TXK: variants seen among roughly 807,000 people sequenced by gnomAD.
TXK encodes tyrosine-protein kinase TXK.
A neutral mutation model predicts 81.0 loss-of-function variants in TXK; 60 were observed. That is an observed-to-expected ratio of 0.74 (90% confidence interval 0.60 to 0.92). TXK has a LOEUF of 0.92. TXK is among the 40% of genes least tolerant of loss of function. The pLI, the probability that TXK is intolerant of heterozygous loss-of-function variation, is 0.00. For synonymous variants in TXK, 203 were observed against 210.7 expected (o/e 0.96, Z 0.32); for missense variants, 581 against 638.3 (o/e 0.91, Z 0.97).
intron 1 of TXK, among the ~76,000 whole-genome samples, chr4:48,133,643 T>C (rs907380544): frequency 6.6e-6 from 1 of 152,262 alleles, no homozygotes; most frequent in African/African-American, 2.4e-5. Context: ...TAAGTCTATA[T>C]GTTTACTTGA....
At chr4:48,096,650 T>C (rs1717992201) in intron 6 of TXK, among the ~76,000 whole-genome samples, 1 of 152,116 alleles carries the variant, frequency 6.6e-6, no homozygotes, top group Admixed American at 6.5e-5. Context: ...TGCCTCAGCC[T>C]CCCCAGTAGC....
intron 10 of TXK, among the ~76,000 whole-genome samples, chr4:48,085,720 A>T (rs978045702): frequency 6.6e-6 from 1 of 152,182 alleles, no homozygotes; most frequent in African/African-American, 2.4e-5. Flanking sequence ...AGGAGTGTCT[A>T]AACATTGAGA....
At chr4:48,124,661 C>T (rs1424182862) in intron 1 of TXK, among the ~76,000 whole-genome samples, 2 of 152,008 alleles carry the variant, frequency 1.3e-5, no homozygotes, top group Non-Finnish European at 2.9e-5. Flanking sequence ...CTGAGTGGAA[C>T]GGCAAAGGTG....
chr4:48,108,117 T>C (rs917829573), intron 5 of TXK, among the ~76,000 whole-genome samples: 3 of 152,058 alleles, frequency 2.0e-5, no homozygotes, highest in Non-Finnish European at 2.9e-5. Context: ...ATTTGTGGAC[T>C]TAGGGTTGTT....
Position 48,094,127 on chromosome 4 carries a change from G to T in TXK, c.659C>A (p.Ala220Asp), listed in dbSNP as rs560501824. The T allele has an allele frequency of 1.9e-6, 3 of 1,613,612 alleles. No homozygotes were observed. The highest frequency in any genetic ancestry group is 2.5e-6 in the Non-Finnish European group (3 of 1,179,976). The change falls in exon 8 of 15, where the codon GCC (alanine) becomes GAC (aspartate). Residue 220 changes from alanine to aspartate, a missense_variant. Physicochemically the swap from Ala to Asp is moderately radical, Grantham distance 126 (BLOSUM62 -2). Coordinates refer to ENST00000264316, the MANE Select transcript of TXK (RefSeq NM_003328.3). ...GATTAACTCAGGGATTGATTGAAAGGCGTGTCTTTCAGCCACATACCACTG... is the reference window on the plus strand; with the variant it reads ...GATTAACTCAGGGATTGATTGAAAGTCGTGTCTTTCAGCCACATACCACTG... The part of the protein sequence containing the change: ...SGQWYVAERH[A>D]FQSIPELIWY...
chr4:48,130,376 C>T (rs55683170), intron 1 of TXK, among the ~76,000 whole-genome samples: 5 of 152,034 alleles, frequency 3.3e-5, no homozygotes, highest in African/African-American at 9.7e-5. Context: ...CTGGGCCCAA[C>T]CAGAGCTGGA....
chr4:48,080,944 A>G (rs1448851729), intron 10 of TXK, among the ~76,000 whole-genome samples: 1 of 152,098 alleles, frequency 6.6e-6, no homozygotes, highest in Non-Finnish European at 1.5e-5. Flanking sequence ...TTCATTCATA[A>G]AGGTAAAATA....
At chr4:48,113,653 A>G (rs1718712165) in intron 2 of TXK, among the ~76,000 whole-genome samples, 1 of 152,206 alleles carries the variant, frequency 6.6e-6, no homozygotes, top group Admixed American at 6.5e-5. Flanking sequence ...GTCATTTTAT[A>G]TGCATTACCT....
chr4:48,085,086 A>G (rs1717468494), intron 10 of TXK, among the ~76,000 whole-genome samples: 1 of 152,222 alleles, frequency 6.6e-6, no homozygotes, highest in South Asian at 2.1e-4. Context: ...TGTTGAACAA[A>G]TATTTAAAGA....
chr4:48,097,020 A>G (rs1405856258), intron 6 of TXK, among the ~76,000 whole-genome samples: 2 of 152,184 alleles, frequency 1.3e-5, no homozygotes, highest in Admixed American at 6.5e-5. Context: ...CAACTCAAGA[A>G]ATTAGGATTA....
chr4:48,069,238 G>T (rs191675776), intron 14 of TXK, among the ~76,000 whole-genome samples: 60 of 152,232 alleles, frequency 3.9e-4, no homozygotes, highest in African/African-American at 1.3e-3. Context: ...GGAGGTCAAG[G>T]CTGCAGTGAG....
chr4:48,134,194 C>T lies in TXK; in HGVS notation c.-24G>A, dbSNP rs367809556. On this transcript the variant is annotated 5_prime_UTR_variant, in exon 1 of 15. The change creates a new upstream start codon in the 5' untranslated region. Coordinates refer to ENST00000264316, the MANE Select transcript of TXK (RefSeq NM_003328.3). ...ATGGTAGCCCCTTCTGCGGGGAGCACACAACAGTCTTCAGTTCTTCTGCGG... is the reference window on the plus strand; with the variant it reads ...ATGGTAGCCCCTTCTGCGGGGAGCATACAACAGTCTTCAGTTCTTCTGCGG... 9.9e-6 allele frequency: 16 copies of T among 1,612,962 alleles called. No individual in the cohort carries two copies. The highest frequency in any genetic ancestry group is 1.4e-5 in the Non-Finnish European group (16 of 1,179,566).
chr4:48,129,849 A>G (rs1719202088), intron 1 of TXK, among the ~76,000 whole-genome samples: 1 of 152,178 alleles, frequency 6.6e-6, no homozygotes, highest in Admixed American at 6.5e-5. Context: ...AAAGTTCATA[A>G]TAAGCTCGCA....
chr4:48,121,145 A>C (rs1560362150), intron 1 of TXK, among the ~76,000 whole-genome samples: 1 of 152,134 alleles, frequency 6.6e-6, no homozygotes, highest in African/African-American at 2.4e-5. Context: ...CAGCTTAAAA[A>C]CTATCTATCA....
At chr4:48,068,329 C>T (rs150589338) in intron 14 of TXK, among the ~76,000 whole-genome samples, 50 of 152,248 alleles carry the variant, frequency 3.3e-4, no homozygotes, top group Non-Finnish European at 6.3e-4. Flanking sequence ...GCATACCAGG[C>T]TCCCAAGCTC....
chr4:48,104,835 G>A (rs1718399281), intron 6 of TXK, 66 bp downstream of exon 6: 1 of 1,217,432 alleles, frequency 8.2e-7, no homozygotes. Context: ...TACTTTTTTA[G>A]TTGGTTAAAG....
Position 48,113,270 on chromosome 4 carries a change from C to T in TXK, c.111G>A (p.Glu37=). The change falls in exon 3 of 15, where the codon GAG becomes GAA. Residue 37 remains glutamate (E), a synonymous_variant. Transcript: ENST00000264316. ...GACGCTGGGTGTATTTTTCTGGAAG[C>T]TCTTCATCTGTGCTCAGGCTTATCT... ...RTQISLSTDE[E]LPEKYTQRRR... 1 of 1,613,516 alleles carries T rather than the reference C, an allele frequency of 6.2e-7. No homozygotes were observed. The highest frequency in any genetic ancestry group is 8.5e-7 in the Non-Finnish European group (1 of 1,179,592).
Position 48,112,342 on chromosome 4 carries a change from G to A in TXK, c.345C>T (p.Tyr115=), listed in dbSNP as rs1388373838. 1.2e-6 allele frequency: 2 copies of A among 1,614,056 alleles called. No individual in the cohort carries two copies. Among genetic ancestry groups the A allele is most frequent in the African/African-American group, 2.7e-5 (2 of 74,918 alleles). The change falls in exon 4 of 15, where the codon TAC becomes TAT. Residue 115 remains tyrosine (Y), a synonymous_variant. Transcript: ENST00000264316. ...CTCTTGCCTTCCACCAGTGAGGATT[G>A]TATTTCTCCAGTATCAGGTATTCTT... is the stretch of plus-strand genomic sequence containing the variant. ...RAEEYLILEK[Y]NPHWWKARDR...
At chr4:48,117,078 G>C (rs191657687) in intron 1 of TXK, among the ~76,000 whole-genome samples, 20 of 152,196 alleles carry the variant, frequency 1.3e-4, no homozygotes, top group Admixed American at 9.8e-4. Context: ...AGTAGAGATG[G>C]GATTTCACCA....
Sources: gnomAD v4.1 joint callset for allele counts (sites outside exome capture counted in the v4.1 genomes callset) on GRCh38, gnomAD v4.1.1 for gene constraint, MANE v1.5 for transcripts, NCBI Gene and HGNC (gene_info 2026-07-23, HGNC 2026-07-21) for gene names.